The following KCNMA1 variants were observed in gnomAD, a reference collection of about 807,000 sequenced individuals.
KCNMA1 encodes potassium calcium-activated channel subfamily M alpha 1, also known as Calcium-activated potassium channel subunit alpha-1.
Under a neutral mutation model 140.0 loss-of-function variants are expected in KCNMA1, and 29 were observed. That is an observed-to-expected ratio of 0.21 (90% CI 0.15 to 0.28). The LOEUF (loss-of-function observed/expected upper bound fraction) is 0.28. Ranked by LOEUF, KCNMA1 falls within the 10% of genes least tolerant of loss-of-function variation. The pLI is 1.00. For synonymous variants in KCNMA1, 612 were observed against 611.9 expected, an observed-to-expected ratio of 1.00 and a Z score of 0.00; for missense variants, 880 against 1,602.2, an observed-to-expected ratio of 0.55 and a Z score of 7.70.
chr10:77,435,610 G>A (rs1465441789), intron 1 of KCNMA1, among the ~76,000 whole-genome samples: 1 of 152,202 alleles, frequency 6.6e-6, no homozygotes, highest in Non-Finnish European at 1.5e-5. Context: ...TACACCACCT[G>A]TGGTGTGGGG....
intron 3 of KCNMA1, among the ~76,000 whole-genome samples, chr10:77,215,725 C>T (rs2047530772): frequency 6.6e-6 from 1 of 152,070 alleles, no homozygotes; most frequent in African/African-American, 2.4e-5. Context: ...ATGTTGAAGC[C>T]CCAGTCCCCA....
intron 19 of KCNMA1, among the ~76,000 whole-genome samples, chr10:76,998,514 C>T (rs2085123770): frequency 6.6e-6 from 1 of 152,162 alleles, no homozygotes; most frequent in Admixed American, 6.5e-5. Context: ...AAGGGCAAAA[C>T]TCATCATGGC....
chr10:77,598,423 G>A (rs2081571640), intron 1 of KCNMA1, among the ~76,000 whole-genome samples: 1 of 152,118 alleles, frequency 6.6e-6, no homozygotes, highest in Admixed American at 6.5e-5. Context: ...TGCCTATCTT[G>A]ACCCGGGCCT....
intron 14 of KCNMA1, among the ~76,000 whole-genome samples, chr10:77,065,413 T>C (rs939231048): frequency 1.3e-5 from 2 of 152,206 alleles, no homozygotes; most frequent in South Asian, 2.1e-4. Context: ...CTAGAGAATA[T>C]GAAGTGGGAC....
At position 76,887,082 on chromosome 10, in the gene KCNMA1, T is replaced by C; in HGVS notation, c.*184A>G. 1 of 1,536,008 alleles carries C rather than the reference T, an allele frequency of 6.5e-7. No individual in the cohort carries two copies. Among genetic ancestry groups the C allele is most frequent in the Non-Finnish European group, 8.7e-7 (1 of 1,146,146 alleles). On this transcript the variant is annotated 3_prime_UTR_variant, in exon 28 of 28. Transcript: ENST00000286628. The stretch of plus-strand genomic sequence containing the variant: ...TCCGTCTGCTTATTTGCTGTTGTGC[T>C]CAAGGGTTTTATGGTGGTGAAATAA...
intron 2 of KCNMA1, among the ~76,000 whole-genome samples, chr10:77,349,443 C>T (rs533778617): frequency 1.3e-5 from 2 of 152,300 alleles, no homozygotes; most frequent in South Asian, 4.1e-4. Flanking sequence ...TAAGACATTC[C>T]TCCATCCTCC....
intron 1 of KCNMA1, among the ~76,000 whole-genome samples, chr10:77,619,488 C>T (rs1184645537): frequency 6.6e-6 from 1 of 152,124 alleles, no homozygotes; most frequent in African/African-American, 2.4e-5. Context: ...GCATCATTTC[C>T]ACCACAATCC....
intron 2 of KCNMA1, among the ~76,000 whole-genome samples, chr10:77,346,357 G>A (rs549428169): frequency 2.1e-4 from 32 of 152,232 alleles, no homozygotes; most frequent in Admixed American, 1.5e-3. Flanking sequence ...AGTAAGAAAA[G>A]CATATTAATA....
intron 9 of KCNMA1, among the ~76,000 whole-genome samples, chr10:77,104,956 G>C (rs1273126806): frequency 6.6e-6 from 1 of 152,194 alleles, no homozygotes; most frequent in African/African-American, 2.4e-5. Context: ...TTGGGAGGCA[G>C]GCTGGGCTGC....
chr10:77,565,503 T>C (rs529898589), intron 1 of KCNMA1, among the ~76,000 whole-genome samples: 5 of 152,190 alleles, frequency 3.3e-5, no homozygotes, highest in African/African-American at 7.2e-5. Flanking sequence ...TCAGACATGA[T>C]TGAGAAACAG....
At chr10:77,463,601 T>C (rs2097919520) in intron 1 of KCNMA1, among the ~76,000 whole-genome samples, 1 of 152,154 alleles carries the variant, frequency 6.6e-6, no homozygotes, top group Non-Finnish European at 1.5e-5. Flanking sequence ...GGGTGGTTTA[T>C]TGCTCCAAGA....
chr10:76,921,367 T>A (rs1294974098), intron 23 of KCNMA1, among the ~76,000 whole-genome samples: 2 of 152,176 alleles, frequency 1.3e-5, no homozygotes, highest in Non-Finnish European at 2.9e-5. Flanking sequence ...GAATTAAATT[T>A]CCTGTTAATG....
chr10:77,472,440 G>GTC (rs1183759268), intron 1 of KCNMA1, among the ~76,000 whole-genome samples: 2 of 142,848 alleles, frequency 1.4e-5, no homozygotes, highest in Non-Finnish European at 3.1e-5. Flanking sequence ...CACTATGCAC[G>GTC]TCACACACAC....
chr10:76,978,326 G>T (rs911385534), intron 19 of KCNMA1: 4 of 152,170 alleles, frequency 2.6e-5, no homozygotes, highest in African/African-American at 7.2e-5. Flanking sequence ...GAATATCTCT[G>T]TTATTTTCTT....
chr10:77,076,205 A>G (rs1226315506), intron 13 of KCNMA1, among the ~76,000 whole-genome samples: 1 of 152,180 alleles, frequency 6.6e-6, no homozygotes, highest in Non-Finnish European at 1.5e-5. Context: ...ACTTGCCTCT[A>G]TCTGCACTGG....
chr10:77,384,276 G>A (rs1401722718), intron 2 of KCNMA1, among the ~76,000 whole-genome samples: 1 of 152,176 alleles, frequency 6.6e-6, no homozygotes, highest in Non-Finnish European at 1.5e-5. Context: ...CAGCTGCACA[G>A]GCACTCCCAG....
chr10:77,219,622 GT>G (rs2048921665), intron 3 of KCNMA1, among the ~76,000 whole-genome samples: 2 of 152,110 alleles, frequency 1.3e-5, no homozygotes, highest in Admixed American at 6.6e-5. Context: ...TGTTCGTTTT[GT>G]TTTGTTTTGT....
At chr10:77,610,456 C>T (rs919236387) in intron 1 of KCNMA1, among the ~76,000 whole-genome samples, 1 of 152,208 alleles carries the variant, frequency 6.6e-6, no homozygotes, top group Admixed American at 6.5e-5. Flanking sequence ...AAAAGGTAAG[C>T]GGAGTACAAG....
At chr10:77,579,532 AT>A (rs1463840005) in intron 1 of KCNMA1, among the ~76,000 whole-genome samples, 54 of 152,240 alleles carry the variant, frequency 3.5e-4, no homozygotes, top group Admixed American at 3.5e-3. Flanking sequence ...CGAAAATATA[AT>A]GTGTCTATTG....
Sources: gnomAD v4.1 joint callset for allele counts (sites outside exome capture counted in the v4.1 genomes callset) on GRCh38, gnomAD v4.1.1 for gene constraint, MANE v1.5 for transcripts, NCBI Gene and HGNC (gene_info 2026-07-23, HGNC 2026-07-21) for gene names.